The following WRAP53 variants were observed in gnomAD, a reference collection of about 807,000 sequenced individuals.
The protein encoded by WRAP53 is WD repeat containing antisense to TP53.
Under a neutral mutation model 56.6 loss-of-function variants are expected in WRAP53, and 28 were observed. The ratio of observed to expected loss-of-function variants is 0.50; its 90% confidence interval spans 0.37 to 0.68. The LOEUF (loss-of-function observed/expected upper bound fraction) is 0.68, where lower values mean the gene tolerates loss of function less well. Among genes scored for constraint, WRAP53 ranks in the 30% least tolerant of loss-of-function variants. The pLI is 0.00. For missense variants in WRAP53, 671 were observed against 715.5 expected (o/e 0.94, Z 0.71); for synonymous variants, 283 against 283.4 (o/e 1.00, Z 0.01).
intron 4 of WRAP53, among the ~76,000 whole-genome samples, chr17:7,699,521 TTTATATATATATATATA>T (rs2074245108): frequency 1.1e-4 from 2 of 18,792 alleles, no homozygotes; most frequent in Admixed American, 9.6e-4. Context: ...TATATATATA[TTTATATATATATATATA>T]TTCCTAAGGA....
At chr17:7,699,452 A>T (rs1257498128) in intron 4 of WRAP53, among the ~76,000 whole-genome samples, 1 of 51,266 alleles carries the variant, frequency 2.0e-5, no homozygotes, top group Non-Finnish European at 3.4e-5. Flanking sequence ...ATATATATAT[A>T]TATATTTATA....
Position 7,703,395 on chromosome 17 carries a change from G to GT in WRAP53, c.1557dup (p.Gly520TrpfsTer10), listed in dbSNP as rs1567581318. 1 of 1,613,772 alleles carries GT rather than the reference G, an allele frequency of 6.2e-7. No individual in the cohort carries two copies. Among genetic ancestry groups the GT allele is most frequent in the Non-Finnish European group, 8.5e-7 (1 of 1,179,810 alleles). ...GAATGTCGGCTTCAGCTCTGGTGGT[G>GT]TGGGGGGGCGCCAGACTCCAGCATC... On this transcript the variant is annotated frameshift_variant, in exon 11 of 11. Transcript: ENST00000396463. LOFTEE classifies it low-confidence loss of function (END_TRUNC).
intron 4 of WRAP53, among the ~76,000 whole-genome samples, chr17:7,699,410 A>C (rs1300200594): frequency 7.5e-6 from 1 of 134,158 alleles, no homozygotes; most frequent in Admixed American, 7.9e-5. Flanking sequence ...ACAGAGTGAG[A>C]CTCTGCCTTT....
At chr17:7,689,509 AC>A (rs1267909572) in intron 3 of WRAP53, 80 bp from the exon 4 acceptor site, 1 of 1,411,350 alleles carries the variant, frequency 7.1e-7, no homozygotes, top group African/African-American at 1.4e-5. Flanking sequence ...GGGCTTACCT[AC>A]CCCAGAGGCA....
At chr17:7,694,242 CTTTTTTT>C (rs749740076) in intron 4 of WRAP53, among the ~76,000 whole-genome samples, 189 of 122,588 alleles carry the variant, frequency 1.5e-3, no homozygotes, top group African/African-American at 5.5e-3. Flanking sequence ...TTTTTTCTTT[CTTTTTTT>C]TTTTTTTTTT....
rs771911772 is a variant in WRAP53, at chr17:7,689,038, A to C, written c.390A>C (p.Glu130Asp). 6.2e-7 allele frequency: 1 copy of C among 1,614,182 alleles called. No homozygotes were observed. The highest frequency in any genetic ancestry group is 1.1e-5 in the South Asian group (1 of 91,084). The change falls in exon 2 of 11, where the codon GAA becomes GAC. Residue 130 changes from glutamate (E) to aspartate (D), a missense_variant. Around this residue, in one of 3 missense-constraint regions of WRAP53, gnomAD observed 406 missense variants for 418.5 expected, o/e 0.97. Transcript: ENST00000396463. Reference protein sequence around the residue: ...GPELGSGKAMEDTSGEPAAED... With the variant: ...GPELGSGKAMDDTSGEPAAED... Reference sequence around the variant, plus strand: ...AGTTGGGGTCTGGAAAAGCCATGGAAGATACCTCTGGGGAACCCGCTGCAG... The same window carrying C: ...AGTTGGGGTCTGGAAAAGCCATGGACGATACCTCTGGGGAACCCGCTGCAG...
Position 7,703,335 on chromosome 17 carries a change from G to A in WRAP53, c.1496G>A (p.Gly499Asp). 1 of 1,614,044 alleles carries A rather than the reference G, an allele frequency of 6.2e-7. No individual in the cohort carries two copies. Among genetic ancestry groups the A allele is most frequent in the Non-Finnish European group, 8.5e-7 (1 of 1,180,024 alleles). Reference protein sequence around the residue: ...TESGDEGEELGLPLLSTRHVH... With the variant: ...TESGDEGEELDLPLLSTRHVH... Reference sequence around the variant, plus strand: ...AGTGGGGACGAAGGAGAGGAGCTGGGCCTTCCCTTGCTCTCCACGCGCCAC... The same window carrying A: ...AGTGGGGACGAAGGAGAGGAGCTGGACCTTCCCTTGCTCTCCACGCGCCAC... Residue 499 changes from glycine to aspartate, a missense_variant, in exon 11 of 11, where the codon GGC becomes GAC. Gly to Asp is a moderately conservative substitution (Grantham distance 94, BLOSUM62 -1). Around this residue, in one of 3 missense-constraint regions of WRAP53, gnomAD observed 107 missense variants for 81.3 expected, o/e 1.32. Transcript: ENST00000396463.
At chr17:7,688,475 A>C, upstream of WRAP53, 2 of 691,552 alleles carry the variant, frequency 2.9e-6, no homozygotes, top group East Asian at 5.4e-5. Flanking sequence ...GCTAAGGAAC[A>C]CAGTGCTTTC....
chr17:7,699,522 T>TTATATATATATATATATATATA (rs1203888377), intron 4 of WRAP53, among the ~76,000 whole-genome samples: 1 of 14,106 alleles, frequency 7.1e-5, no homozygotes, highest in Admixed American at 1.3e-3. Context: ...ATATATATAT[T>TTATATATATATATATATATATA]TATATATATA....
intron 4 of WRAP53, among the ~76,000 whole-genome samples, chr17:7,696,221 C>G (rs2074181829): frequency 6.6e-6 from 1 of 151,224 alleles, no homozygotes; most frequent in Admixed American, 6.6e-5. Flanking sequence ...CATGTGAAAG[C>G]CAGTGGGTTG....
rs1387258894 is a variant in WRAP53, at chr17:7,701,290, A to G, written c.732-169A>G. ...AGCCTCATTTTTGTATTTTTAGTAG[A>G]GACAGGGTTTCACCATGTTGGCCAG... On this transcript the variant is annotated intron_variant, in intron 5 of 10. Coordinates refer to ENST00000396463, the MANE Select transcript of WRAP53 (RefSeq NM_001143992.2). The surrounding 1 kb of genome is among the most constrained non-coding windows in gnomAD (Gnocchi z 4.2). 15 of 736,404 alleles carry G rather than the reference A, an allele frequency of 2.0e-5. No individual in the cohort carries two copies. The Admixed American group carries it at 2.2e-4, about 11-fold the overall frequency. The allele number at this position is 736,404 out of a possible 1,614,324, so 45.6% of individuals were successfully genotyped here.
chr17:7,689,815 G>T, intron 4 of WRAP53, 114 bp downstream of exon 4: 1 of 871,262 alleles, frequency 1.1e-6, no homozygotes. Context: ...TGTTTTTCAA[G>T]ACGAGTTTCC....
Position 7,701,982 on chromosome 17 carries a change from C to A in WRAP53, c.955+193C>A. 1.1e-6 allele frequency: 1 copy of A among 898,282 alleles called. No homozygotes were observed. The highest frequency in any genetic ancestry group is 1.8e-6 in the Non-Finnish European group (1 of 565,194). The allele number at this position is 898,282 out of a possible 1,614,324, so 55.6% of individuals were successfully genotyped here. On this transcript the variant is annotated intron_variant, in intron 7 of 10. Coordinates refer to ENST00000396463, the MANE Select transcript of WRAP53 (RefSeq NM_001143992.2). The surrounding 1 kb of genome is among the most constrained non-coding windows in gnomAD (Gnocchi z 4.2). The stretch of plus-strand genomic sequence containing the variant: ...AGGAAACCTTCCCAAGGCCAACCAG[C>A]TGGTCAAAGGACTGCTTCCTTCCTG...
Position 7,688,732 on chromosome 17 carries a change from C to G in WRAP53, c.84C>G (p.His28Gln). ...CAGCTCCAGCCCATCCTTCTCCCCA[C>G]GCTTCCCCGATGAATAAAAATGCGG... ...QDPAPAHPSP[H>Q]ASPMNKNADS... The change falls in exon 2 of 11, where the codon CAC becomes CAG. Residue 28 changes from histidine to glutamine, a missense_variant. By Grantham distance (24) the His-to-Gln change is conservative (BLOSUM62 0). Around this residue, in one of 3 missense-constraint regions of WRAP53, gnomAD observed 406 missense variants for 418.5 expected, o/e 0.97. Coordinates refer to ENST00000396463, the MANE Select transcript of WRAP53 (RefSeq NM_001143992.2). The G allele has an allele frequency of 6.2e-7, 1 of 1,614,202 alleles. No individual in the cohort carries two copies. The highest frequency in any genetic ancestry group is 8.5e-7 in the Non-Finnish European group (1 of 1,180,034).
chr17:7,703,473 G>T lies in WRAP53; in HGVS notation c.1634G>T (p.Gly545Val). 1 of 1,613,250 alleles carries T rather than the reference G, an allele frequency of 6.2e-7. No homozygotes were observed. Among genetic ancestry groups the T allele is most frequent in the Non-Finnish European group, 8.5e-7 (1 of 1,179,880 alleles). The change falls in exon 11 of 11, where the codon GGT (glycine) becomes GTT (valine). Residue 545 changes from glycine (G) to valine (V), a missense_variant. By Grantham distance (109) the Gly-to-Val change is moderately radical. Around this residue, in one of 3 missense-constraint regions of WRAP53, gnomAD observed 107 missense variants for 81.3 expected, o/e 1.32. Coordinates refer to ENST00000396463, the MANE Select transcript of WRAP53 (RefSeq NM_001143992.2). The part of the protein sequence containing the change: ...KGQGGTEGGV[G>V]ELI ...CAGGGAGGAACGGAGGGAGGTGTGG[G>T]TGAGCTGATATAAAAAGGTTTTTAT...
chr17:7,691,635 C>T (rs1004686035), intron 4 of WRAP53, among the ~76,000 whole-genome samples: 4 of 152,038 alleles, frequency 2.6e-5, no homozygotes, highest in South Asian at 2.1e-4. Context: ...TTTGATCCGC[C>T]GGTCTCGGCC....
rs1264397575 is a variant in WRAP53 at position 7,702,229 on chromosome 17, G to C, written c.956-115G>C. The C allele has an allele frequency of 1.5e-4, 162 of 1,109,244 alleles. No homozygotes were observed. The East Asian group carries it at 3.9e-3, about 27-fold the overall frequency. 68.7% of individuals were successfully genotyped at this position (1,109,244 alleles called of 1,614,324 possible). ...TGTCCTGCTTGTGACAGACAGCATG[G>C]GGGGGATGTTGAGTCCAAGCATGTT... is the stretch of plus-strand genomic sequence containing the variant. On this transcript the variant is annotated intron_variant, in intron 7 of 10. Coordinates refer to ENST00000396463, the MANE Select transcript of WRAP53 (RefSeq NM_001143992.2). This position sits in a 1 kb window ranked among gnomAD's most constrained non-coding sequence, Gnocchi z 5.0.
At chr17:7,694,559 A>G (rs1306939555) in intron 4 of WRAP53, among the ~76,000 whole-genome samples, 1 of 151,956 alleles carries the variant, frequency 6.6e-6, no homozygotes, top group African/African-American at 2.4e-5. Context: ...TTTGTTTTCA[A>G]AAGATTTTTG....
intron 4 of WRAP53, among the ~76,000 whole-genome samples, chr17:7,691,163 C>T (rs1444166875): frequency 1.4e-5 from 2 of 146,234 alleles, no homozygotes; most frequent in Non-Finnish European, 3.0e-5. Flanking sequence ...GAGCCAAGAT[C>T]ATGTCACTGC....
Sources: allele counts gnomAD v4.1 joint callset (sites outside exome capture counted in the v4.1 genomes callset), GRCh38; gene constraint gnomAD v4.1.1; regional missense constraint gnomAD v4.1.1; non-coding constraint Gnocchi (gnomAD v3.1); transcripts MANE v1.5; gene names NCBI Gene and HGNC (gene_info 2026-07-23, HGNC 2026-07-21).